CFAP57: variants seen among roughly 807,000 people sequenced by gnomAD.
CFAP57 encodes cilia- and flagella-associated protein 57.
Under a neutral mutation model 146.8 loss-of-function variants are expected in CFAP57, and 116 were observed. That is an observed-to-expected ratio of 0.79 (90% CI 0.68 to 0.92). CFAP57 has a LOEUF of 0.92. CFAP57 is among the 40% of genes least tolerant of loss of function. The pLI, the probability that CFAP57 is intolerant of heterozygous loss-of-function variation, is 0.00. For missense variants in CFAP57, 1,377 were observed against 1,527.2 expected (o/e 0.90, Z 1.64); for synonymous variants, 518 against 552.8 (o/e 0.94, Z 0.88).
intron 21 of CFAP57, among the ~76,000 whole-genome samples, chr1:43,239,330 C>T (rs770118412): frequency 5.3e-5 from 8 of 152,018 alleles, no homozygotes; most frequent in Non-Finnish European, 1.0e-4. Context: ...CCCTGGAGAC[C>T]CATTTAGGTA....
Position 43,172,379 on chromosome 1 carries a change from C to T in CFAP57, c.-94C>T, listed in dbSNP as rs1427283738. The T allele has an allele frequency of 1.9e-6, 3 of 1,551,538 alleles. No homozygotes were observed. The highest frequency in any genetic ancestry group is 8.7e-7 in the Non-Finnish European group (1 of 1,146,982). ...GAACCGCTACGGCGTTTGAAAGTGT[C>T]CGGGTTGCTTAGGATCCCTACAGGT... On this transcript the variant is annotated 5_prime_UTR_variant, in exon 1 of 23. Transcript: ENST00000372492.
chr1:43,222,203 C>T lies in CFAP57; in HGVS notation c.2440C>T (p.Arg814Trp), dbSNP rs536737558. 108 of 1,540,472 alleles carry T rather than the reference C, an allele frequency of 7.0e-5. No homozygotes were observed. The highest frequency in any genetic ancestry group is 1.7e-4 in the Middle Eastern group (1 of 5,918). Reference protein sequence around the residue: ...RMQEEYEKQLRDNDETKSQAL... With the variant: ...RMQEEYEKQLWDNDETKSQAL... ...GCAGGAAGAGTATGAAAAACAGCTC[C>T]GGGATAACGATGAGACCAAGAGCCA... The change falls in exon 15 of 23, where the codon CGG (arginine) becomes TGG (tryptophan). Residue 814 changes from arginine (R) to tryptophan (W), a missense_variant. Physicochemically the swap from Arg to Trp is moderately radical, Grantham distance 101. Transcript: ENST00000372492.
In CFAP57 at chr1:43,206,615, C is replaced by T. The variant is rs373339153; in HGVS notation, c.1543-105C>T. On this transcript the variant is annotated intron_variant, in intron 9 of 22. Coordinates refer to ENST00000372492, the MANE Select transcript of CFAP57 (RefSeq NM_001378189.1). ...CAGAAGGGCCTACAGCAGGAAAGGACGTTCTGCTCAGTCTAGTGGAGCACC... is the reference window on the plus strand; with the variant it reads ...CAGAAGGGCCTACAGCAGGAAAGGATGTTCTGCTCAGTCTAGTGGAGCACC... 135 of 1,115,122 alleles carry T rather than the reference C, an allele frequency of 1.2e-4. No homozygotes were observed. The African/African-American group carries it at 1.9e-3, about 15-fold the overall frequency. 69.1% of individuals were successfully genotyped at this position (1,115,122 alleles called of 1,614,324 possible). A position where few individuals can be genotyped will look rare whatever the true frequency, so the allele number is the denominator to read the frequency against.
At chr1:43,190,491 C>T (rs561896586) in intron 6 of CFAP57, among the ~76,000 whole-genome samples, 9 of 152,094 alleles carry the variant, frequency 5.9e-5, no homozygotes, top group South Asian at 2.1e-4. Context: ...AGGATGGTCT[C>T]GATCTCCTGA....
At chr1:43,229,382 G>C (rs530602007) in intron 18 of CFAP57, among the ~76,000 whole-genome samples, 11 of 148,472 alleles carry the variant, frequency 7.4e-5, no homozygotes, top group Non-Finnish European at 1.5e-4. Context: ...ACCTCCTTTC[G>C]CTGGTGCCAG....
intron 2 of CFAP57, among the ~76,000 whole-genome samples, chr1:43,178,954 C>T (rs1645276591): frequency 6.6e-6 from 1 of 152,116 alleles, no homozygotes; most frequent in Non-Finnish European, 1.5e-5. Context: ...ACTATGCAGC[C>T]ATAAAAAAGG....
chr1:43,184,952 C>A, intron 4 of CFAP57, 197 bp from the exon 5 acceptor site: 1 of 610,804 alleles, frequency 1.6e-6, no homozygotes. Context: ...ACGCCCCAAG[C>A]ACTCTCTTGC....
chr1:43,185,039 A>G, intron 4 of CFAP57, 110 bp from the exon 5 acceptor site: 1 of 1,181,384 alleles, frequency 8.5e-7, no homozygotes, highest in Non-Finnish European at 1.2e-6. Flanking sequence ...AAAGGGGATC[A>G]TTGGGTGGTT....
Position 43,232,602 on chromosome 1 carries a change from A to G in CFAP57, c.3104A>G (p.Glu1035Gly), listed in dbSNP as rs554080961. 1.3e-6 allele frequency: 2 copies of G among 1,546,344 alleles called. No individual in the cohort carries two copies. Among genetic ancestry groups the G allele is most frequent in the Non-Finnish European group, 1.7e-6 (2 of 1,143,746 alleles). ...CAGAAACTGAGAGCCACCGATCAGG[A>G]GATGCGCAGAGAGAGACAGAAGGTG... is the stretch of plus-strand genomic sequence containing the variant. Reference protein sequence around the residue: ...LWQKLRATDQEMRRERQKERD... With the variant: ...LWQKLRATDQGMRRERQKERD... Residue 1035 changes from glutamate (E) to glycine (G), a missense_variant, in exon 19 of 23, where the codon GAG becomes GGG. By Grantham distance (98) the Glu-to-Gly change is moderately conservative. Transcript: ENST00000372492.
intron 5 of CFAP57, 27 bp from the exon 6 acceptor site, chr1:43,186,680 C>T: frequency 6.2e-6 from 10 of 1,606,806 alleles, no homozygotes; most frequent in South Asian, 1.1e-5. Context: ...GGGGACATTA[C>T]TGATAGCTGT....
At chr1:43,235,665 G>A (rs1436161028) in intron 21 of CFAP57, among the ~76,000 whole-genome samples, 9 of 152,116 alleles carry the variant, frequency 5.9e-5, no homozygotes, top group Non-Finnish European at 1.2e-4. Context: ...GAAAGCCATC[G>A]GAGGCCCAGA....
In CFAP57 at chr1:43,219,409, C is replaced by T. The variant is rs549675222; in HGVS notation, c.2119C>T (p.Arg707Cys). The T allele has an allele frequency of 4.5e-6, 7 of 1,550,582 alleles. No homozygotes were observed. The African/African-American group carries it at 5.5e-5, about 12-fold the overall frequency. Residue 707 changes from arginine (R) to cysteine (C), a missense_variant, in exon 13 of 23, where the codon CGT becomes TGT. By Grantham distance (180) the Arg-to-Cys change is radical. Coordinates refer to ENST00000372492, the MANE Select transcript of CFAP57 (RefSeq NM_001378189.1). ...KAQVMLELKT[R>C]VEELKMENEY... ...TCAGGTTATGTTGGAGCTAAAGACT[C>T]GTGTGGAGGAATTAAAAATGGAGAA...
chr1:43,235,461 A>C (rs1645651026), intron 21 of CFAP57, among the ~76,000 whole-genome samples: 1 of 152,196 alleles, frequency 6.6e-6, no homozygotes, highest in Non-Finnish European at 1.5e-5. Context: ...CCATAATTAA[A>C]ATACTGGAAT....
chr1:43,232,583 CTG>C lies in CFAP57; in HGVS notation c.3086_3087del (p.Leu1029GlnfsTer25). On this transcript the variant is annotated frameshift_variant, in exon 19 of 23. Transcript: ENST00000372492. LOFTEE classifies it high-confidence loss of function. ...ELNITELWQKLRATDQEMRRE... is the reference protein window; with the variant it reads ...ELNITELWQKXRATDQEMRRE... ...GAACATCACAGAATTGTGGCAGAAA[CTG>C]AGAGCCACCGATCAGGAGATGCGCA... 1 of 1,549,152 alleles carries C rather than the reference CTG, an allele frequency of 6.5e-7. No homozygotes were observed. The highest frequency in any genetic ancestry group is 8.7e-7 in the Non-Finnish European group (1 of 1,145,910).
In CFAP57 at chr1:43,222,922, G is replaced by A; in HGVS notation, c.2631G>A (p.Lys877=). The A allele has an allele frequency of 1.3e-6, 2 of 1,550,528 alleles. No individual in the cohort carries two copies. Among genetic ancestry groups the A allele is most frequent in the Non-Finnish European group, 1.7e-6 (2 of 1,146,930 alleles). Residue 877 remains lysine, a synonymous_variant, in exon 16 of 23, where the codon AAG becomes AAA. Coordinates refer to ENST00000372492, the MANE Select transcript of CFAP57 (RefSeq NM_001378189.1). ...EDREIQDIKT[K]YEKKLRDEKE... is the part of the protein sequence containing the mutation. ...GAGAAATCCAAGATATCAAAACCAA[G>A]TATGAGAAAAAGCTTCGGGATGAAA...
chr1:43,229,336 T>G (rs1359155631), intron 18 of CFAP57, among the ~76,000 whole-genome samples: 1 of 148,718 alleles, frequency 6.7e-6, no homozygotes, highest in East Asian at 2.1e-4. Flanking sequence ...GGGAATACAC[T>G]TGCACCTTGG....
chr1:43,176,943 G>C (rs968832309), intron 2 of CFAP57, among the ~76,000 whole-genome samples: 2 of 152,234 alleles, frequency 1.3e-5, no homozygotes, highest in East Asian at 3.9e-4. Context: ...GGAATAGCTG[G>C]GAGGCCAGTG....
intron 8 of CFAP57, among the ~76,000 whole-genome samples, chr1:43,198,962 C>G (rs1643988323): frequency 6.6e-6 from 1 of 152,186 alleles, no homozygotes; most frequent in Admixed American, 6.5e-5. Flanking sequence ...ATCTCAGAAT[C>G]AGAGTCACAG....
At chr1:43,209,973 G>C in intron 11 of CFAP57, 57 bp downstream of exon 11, 1 of 1,613,442 alleles carries the variant, frequency 6.2e-7, no homozygotes, top group Non-Finnish European at 8.5e-7. Context: ...TACGTGCCTT[G>C]TTCATCCCTT....
Sources: gnomAD v4.1 joint callset for allele counts (sites outside exome capture counted in the v4.1 genomes callset) on GRCh38, gnomAD v4.1.1 for gene constraint, MANE v1.5 for transcripts, NCBI Gene and HGNC (gene_info 2026-07-23, HGNC 2026-07-21) for gene names.